The following CLCA4 variants were observed in gnomAD, a reference collection of about 807,000 sequenced individuals.
CLCA4 encodes the protein calcium-activated chloride channel regulator 4.
Under a neutral mutation model 78.9 loss-of-function variants are expected in CLCA4, and 69 were observed. That is an observed-to-expected ratio of 0.87 (90% CI 0.72 to 1.07). CLCA4 has a LOEUF of 1.07. Among genes scored for constraint, CLCA4 ranks in the 50% least tolerant of loss-of-function variants. CLCA4 has a pLI of 0.00. For synonymous variants in CLCA4, 362 were observed against 375.8 expected (o/e 0.96, Z 0.42); for missense variants, 1,133 against 1,095.8 (o/e 1.03, Z -0.48).
At chr1:86,568,312 C>T (rs1335054352) in intron 7 of CLCA4, among the ~76,000 whole-genome samples, 1 of 150,222 alleles carries the variant, frequency 6.7e-6, no homozygotes, top group African/African-American at 2.4e-5. Flanking sequence ...CATTTACATA[C>T]TTAGAACAAT....
intron 8 of CLCA4, 44 bp downstream of exon 8, chr1:86,571,298 T>C (rs1203496939): frequency 6.5e-7 from 1 of 1,549,082 alleles, no homozygotes; most frequent in African/African-American, 1.4e-5. Flanking sequence ...TAGTAATGCA[T>C]AAATGTAAAG....
Position 86,571,186 on chromosome 1 carries a change from C to T in CLCA4, c.1292C>T (p.Ala431Val), listed in dbSNP as rs751296931. ...SCIDEVKQSG[A>V]IVHFIALGRA... ...ATTGATGAAGTGAAACAAAGTGGGG[C>T]CATTGTTCATTTTATTGCTTTGGGA... The change falls in exon 8 of 14, where the codon GCC (alanine) becomes GTC (valine). Residue 431 changes from alanine (A) to valine (V), a missense_variant. Transcript: ENST00000370563. The T allele has an allele frequency of 4.1e-5, 66 of 1,612,726 alleles. No individual in the cohort carries two copies. The highest frequency in any genetic ancestry group is 1.6e-4 in the Middle Eastern group (1 of 6,072).
At chr1:86,566,736 G>T (rs767762099) in intron 6 of CLCA4, among the ~76,000 whole-genome samples, 2 of 151,988 alleles carry the variant, frequency 1.3e-5, no homozygotes, top group Non-Finnish European at 2.9e-5. Context: ...AATTGGCGGG[G>T]AGTAACACAG....
chr1:86,566,725 A>C (rs1300841139), intron 6 of CLCA4, among the ~76,000 whole-genome samples: 2 of 152,022 alleles, frequency 1.3e-5, no homozygotes, highest in African/African-American at 4.8e-5. Flanking sequence ...ATTTGGGCAT[A>C]AATTGGCGGG....
At chr1:86,560,558 A>G (rs1485741429) in intron 3 of CLCA4, among the ~76,000 whole-genome samples, 200 bp downstream of exon 3, 1 of 152,206 alleles carries the variant, frequency 6.6e-6, no homozygotes, top group Non-Finnish European at 1.5e-5. Context: ...AGGAGTTTCT[A>G]CCTTGTAAAA....
In CLCA4 at chr1:86,571,128, A is replaced by G. The variant is rs778117319; in HGVS notation, c.1234A>G (p.Thr412Ala). 5.6e-6 allele frequency: 9 copies of G among 1,612,626 alleles called. No individual in the cohort carries two copies. Among genetic ancestry groups the G allele is most frequent in the Admixed American group, 1.7e-5 (1 of 59,942 alleles). Residue 412 changes from threonine to alanine, a missense_variant, in exon 8 of 14, where the codon ACT (threonine) becomes GCT (alanine). By Grantham distance (58) the Thr-to-Ala change is moderately conservative. Transcript: ENST00000370563. ...QLDGSEVLLLTDGEDNTASSC... is the reference protein window; with the variant it reads ...QLDGSEVLLLADGEDNTASSC... ...CGATGGATCCGAAGTACTGCTGCTG[A>G]CTGATGGGGAGGATAACACTGCAAG...
Position 86,578,222 on chromosome 1 carries a change from C to T in CLCA4, c.2122+150C>T, listed in dbSNP as rs1016035464. 1.5e-5 allele frequency: 11 copies of T among 721,974 alleles called. No homozygotes were observed. The African/African-American group carries it at 2.0e-4, about 13-fold the overall frequency. 44.7% of individuals were successfully genotyped at this position (721,974 alleles called of 1,614,324 possible). On this transcript the variant is annotated intron_variant, in intron 12 of 13. Transcript: ENST00000370563. ...TTCTCAGTCATACTAGGATTTGCCT[C>T]TAAATTAATCTAAGCTTTGGTACAA...
intron 12 of CLCA4, 147 bp downstream of exon 12, chr1:86,578,219 C>A: frequency 1.3e-6 from 1 of 758,736 alleles, no homozygotes. Context: ...CTAGGATTTG[C>A]CTCTAAATTA....
intron 11 of CLCA4, among the ~76,000 whole-genome samples, chr1:86,577,679 G>A (rs923760104): frequency 6.6e-6 from 1 of 152,052 alleles, no homozygotes; most frequent in South Asian, 2.1e-4. Flanking sequence ...ATATCAGTGT[G>A]TGTGTATGTA....
chr1:86,571,468 CA>C, intron 8 of CLCA4: 1 of 436,034 alleles, frequency 2.3e-6, no homozygotes, highest in Admixed American at 3.7e-5. Flanking sequence ...TCCTACATAA[CA>C]GGAGGAATAT....
chr1:86,565,262 A>G lies in CLCA4; in HGVS notation c.558-12A>G. 1 of 1,570,014 alleles carries G rather than the reference A, an allele frequency of 6.4e-7. No individual in the cohort carries two copies. The highest frequency in any genetic ancestry group is 8.6e-7 in the Non-Finnish European group (1 of 1,158,710). Reference sequence around the variant, plus strand: ...TCAGTTGCCTCAAAGATTAACTGTCATATATTTTCAGGTGTTCCGCAGGTA... The same window carrying G: ...TCAGTTGCCTCAAAGATTAACTGTCGTATATTTTCAGGTGTTCCGCAGGTA... On this transcript the variant is annotated splice_polypyrimidine_tract_variant and intron_variant, in intron 4 of 13. Coordinates refer to ENST00000370563, the MANE Select transcript of CLCA4 (RefSeq NM_012128.4).
chr1:86,552,783 G>A lies in CLCA4; in HGVS notation c.159+5505G>A, dbSNP rs941189828. The A allele has an allele frequency of 1.7e-5, 23 of 1,322,334 alleles. No homozygotes were observed. In the African/African-American group the frequency reaches 2.9e-4, roughly 17 times the overall value. 81.9% of individuals were successfully genotyped at this position (1,322,334 alleles called of 1,614,324 possible). On this transcript the variant is annotated intron_variant, in intron 1 of 13. Coordinates refer to ENST00000370563, the MANE Select transcript of CLCA4 (RefSeq NM_012128.4). ...TCAGTACTGTGTCCAGGTTGTAGTA[G>A]GGGCTGTCCACGCCTGAAAACAGCT... is the stretch of plus-strand genomic sequence containing the variant.
intron 8 of CLCA4, 74 bp from the exon 9 acceptor site, chr1:86,572,540 A>C: frequency 1.1e-6 from 1 of 872,038 alleles, no homozygotes; most frequent in Non-Finnish European, 1.9e-6. Context: ...TGTTTTAACT[A>C]TTAGCTTAAT....
chr1:86,560,100 A>T, intron 2 of CLCA4, 28 bp downstream of exon 2: 1 of 1,561,958 alleles, frequency 6.4e-7, no homozygotes, highest in Non-Finnish European at 8.6e-7. Context: ...CTCTTAAAAA[A>T]TTATATTTTC....
intron 7 of CLCA4, among the ~76,000 whole-genome samples, chr1:86,570,795 C>A (rs538751846): frequency 1.2e-4 from 18 of 151,972 alleles, no homozygotes; most frequent in South Asian, 4.1e-4. Flanking sequence ...CTGAGTTTCC[C>A]AGGTTGAGAT....
chr1:86,551,580 A>G (rs567913729), intron 1 of CLCA4, among the ~76,000 whole-genome samples: 87 of 152,288 alleles, frequency 5.7e-4, no homozygotes, highest in African/African-American at 2.0e-3. Flanking sequence ...CTTTCATTCT[A>G]GACTTCAGCC....
In CLCA4 at chr1:86,548,283, A is replaced by ATAT. The variant is rs550108243; in HGVS notation, c.159+1020_159+1022dup. Among the ~76,000 whole-genome samples the ATAT allele has an allele frequency of 3.0e-3, 461 of 152,132 alleles. 2 individuals are homozygous for ATAT. Among genetic ancestry groups the ATAT allele is most frequent in the African/African-American group, 9.7e-3 (402 of 41,506 alleles). ...ATTCAGATCATTTGCCCATTTTAAA[A>ATAT]TATTATTATTATTATTACTTTGTCT... On this transcript the variant is annotated intron_variant, in intron 1 of 13. Coordinates refer to ENST00000370563, the MANE Select transcript of CLCA4 (RefSeq NM_012128.4).
rs1203320139 is a variant in CLCA4, at chr1:86,575,598, A to G, written c.1950A>G (p.Ala650=). 1 of 1,611,000 alleles carries G rather than the reference A, an allele frequency of 6.2e-7. No homozygotes were observed. Among genetic ancestry groups the G allele is most frequent in the Non-Finnish European group, 8.5e-7 (1 of 1,178,010 alleles). The change falls in exon 11 of 14, where the codon GCA becomes GCG. Residue 650 remains alanine, a splice_region_variant and synonymous_variant. Coordinates refer to ENST00000370563, the MANE Select transcript of CLCA4 (RefSeq NM_012128.4). ...TTTTGGAACTTTTGGATAATGGTGC[A>G]GGTAATTCACAGGTTTTTATGAATA... ...TEVLELLDNG[A]GADSFKNDGV...
At chr1:86,563,533 A>G (rs954190228) in intron 3 of CLCA4, 128 bp from the exon 4 acceptor site, 3 of 506,270 alleles carry the variant, frequency 5.9e-6, no homozygotes, top group Admixed American at 3.8e-5. Context: ...ACACTGAAAT[A>G]TAAATGTTGA....
Sources: gnomAD v4.1 joint callset for allele counts (sites outside exome capture counted in the v4.1 genomes callset) on GRCh38, gnomAD v4.1.1 for gene constraint, MANE v1.5 for transcripts, NCBI Gene and HGNC (gene_info 2026-07-23, HGNC 2026-07-21) for gene names.